Variants in CDH4 observed in about 807,000 individuals in gnomAD.
The protein encoded by CDH4 is cadherin 4.
CDH4 carries 33 observed loss-of-function variants against 86.0 expected under a neutral mutation model. That is an observed-to-expected ratio of 0.38 (90% CI 0.29 to 0.51). The LOEUF (loss-of-function observed/expected upper bound fraction) is 0.51. Among genes scored for constraint, CDH4 ranks in the 20% least tolerant of loss-of-function variants. The pLI is 0.86. For synonymous variants in CDH4, 555 were observed against 549.4 expected, an observed-to-expected ratio of 1.01 and a Z score of -0.14; for missense variants, 1,114 against 1,307.4, an observed-to-expected ratio of 0.85 and a Z score of 2.28.
At chr20:61,819,865 G>A (rs1250253437) in intron 4 of CDH4, among the ~76,000 whole-genome samples, 1 of 152,212 alleles carries the variant, frequency 6.6e-6, no homozygotes, top group Non-Finnish European at 1.5e-5. Context: ...TTATTGTTCA[G>A]CAGGCCTGGT....
intron 2 of CDH4, among the ~76,000 whole-genome samples, chr20:61,465,567 T>C (rs1043074245): frequency 3.9e-5 from 6 of 152,228 alleles, no homozygotes; most frequent in Admixed American, 1.3e-4. Flanking sequence ...ATTGATTTTA[T>C]GTAGAGACGG....
Position 61,294,767 on chromosome 20 carries a change from G to T in CDH4, c.169+39830G>T, listed in dbSNP as rs183005007. The stretch of plus-strand genomic sequence containing the variant: ...TGAGCCCCTGACAACAGAGCTGAAA[G>T]CTGGGACCCTTGTGTGTGAGGCCTG... On this transcript the variant is annotated intron_variant, in intron 2 of 15. Transcript: ENST00000614565. Among the ~76,000 whole-genome samples, 29 of 152,374 alleles carry T rather than the reference G, an allele frequency of 1.9e-4. No homozygotes were observed. The East Asian group carries it at 5.0e-3, about 26-fold the overall frequency.
intron 2 of CDH4, among the ~76,000 whole-genome samples, chr20:61,360,545 G>A (rs2084777977): frequency 6.6e-6 from 1 of 152,210 alleles, no homozygotes; most frequent in East Asian, 1.9e-4. Context: ...CTAGGAGCAG[G>A]GGGCCATGGG....
chr20:61,819,091 C>T (rs1462583871), intron 4 of CDH4, among the ~76,000 whole-genome samples: 1 of 152,224 alleles, frequency 6.6e-6, no homozygotes, highest in African/African-American at 2.4e-5. Context: ...TCCAGATGGG[C>T]TTTTGGGCTC....
At chr20:61,736,227 C>A (rs2088261292) in intron 2 of CDH4, among the ~76,000 whole-genome samples, 1 of 152,204 alleles carries the variant, frequency 6.6e-6, no homozygotes, top group Non-Finnish European at 1.5e-5. Context: ...ATTCTTGTCA[C>A]CTCAGCTGCC....
intron 2 of CDH4, among the ~76,000 whole-genome samples, chr20:61,411,395 G>A (rs780237247): frequency 8.0e-5 from 12 of 149,920 alleles, no homozygotes; most frequent in African/African-American, 2.7e-4. Context: ...AGGAAAAGCC[G>A]CATTCATTGA....
intron 6 of CDH4, among the ~76,000 whole-genome samples, chr20:61,853,252 G>C (rs892369462): frequency 2.0e-5 from 3 of 152,124 alleles, no homozygotes. Context: ...GCAGCTCCCG[G>C]AGTGGGACTG....
intron 2 of CDH4, among the ~76,000 whole-genome samples, chr20:61,465,147 A>G (rs540243540): frequency 1.3e-5 from 2 of 152,346 alleles, no homozygotes; most frequent in East Asian, 3.9e-4. Flanking sequence ...GGTATTGTGT[A>G]TCTTTCTGTC....
intron 4 of CDH4, among the ~76,000 whole-genome samples, chr20:61,817,883 G>C (rs2146058946): frequency 6.6e-6 from 1 of 152,338 alleles, no homozygotes; most frequent in South Asian, 2.1e-4. Context: ...CCAGGGTTCT[G>C]AGCAGCAGCA....
At chr20:61,484,683 G>A (rs905910211) in intron 2 of CDH4, among the ~76,000 whole-genome samples, 47 of 152,298 alleles carry the variant, frequency 3.1e-4, no homozygotes, top group African/African-American at 1.1e-3. Context: ...GAAGGTACCT[G>A]TGTGCTCATC....
chr20:61,775,681 G>A (rs1339523685), intron 4 of CDH4, among the ~76,000 whole-genome samples: 1 of 152,212 alleles, frequency 6.6e-6, no homozygotes, highest in Non-Finnish European at 1.5e-5. Flanking sequence ...CACAGGCACA[G>A]GGTAGGCACA....
chr20:61,412,419 A>C (rs1325442245), intron 2 of CDH4, among the ~76,000 whole-genome samples: 2 of 152,182 alleles, frequency 1.3e-5, no homozygotes, highest in African/African-American at 4.8e-5. Context: ...TCCTCCCCAG[A>C]GTGCCGGAGG....
intron 3 of CDH4, among the ~76,000 whole-genome samples, chr20:61,750,161 C>G (rs2088473637): frequency 6.6e-6 from 1 of 151,966 alleles, no homozygotes; most frequent in Non-Finnish European, 1.5e-5. Context: ...ATTGTTAAAA[C>G]AGGAGGAGAA....
intron 2 of CDH4, among the ~76,000 whole-genome samples, chr20:61,359,910 T>A (rs2084774717): frequency 6.6e-6 from 1 of 152,206 alleles, no homozygotes; most frequent in African/African-American, 2.4e-5. Context: ...AAACAAATCT[T>A]CCTGGAAGGA....
At chr20:61,852,980 C>T in intron 6 of CDH4, 82 bp downstream of exon 6, 3 of 1,433,686 alleles carry the variant, frequency 2.1e-6, no homozygotes, top group Non-Finnish European at 2.9e-6. Flanking sequence ...GGGAGGGCTG[C>T]TTAGTCCCCG....
chr20:61,256,443 G>C (rs981866473), intron 2 of CDH4, among the ~76,000 whole-genome samples: 3 of 152,230 alleles, frequency 2.0e-5, no homozygotes, highest in Non-Finnish European at 4.4e-5. Flanking sequence ...CTACAACGCA[G>C]CGTGAGATTT....
rs1491419747 is a variant in CDH4 at position 61,843,508 on chromosome 20, A to AG, written c.577-1160_577-1159insG. On this transcript the variant is annotated intron_variant, in intron 4 of 15. Coordinates refer to ENST00000614565, the MANE Select transcript of CDH4 (RefSeq NM_001794.5). Reference sequence around the variant, plus strand: ...GAAGTTCGAGACCAGCCTGGGAAACATAGTGAGACCTTTTCTGCACAAAAG... The same window carrying AG: ...GAAGTTCGAGACCAGCCTGGGAAACAGTAGTGAGACCTTTTCTGCACAAAAG... 9.7e-3 allele frequency among the ~76,000 whole-genome samples: 580 copies of AG among 60,064 alleles called. 3 individuals carry two copies. The highest frequency in any genetic ancestry group is 0.03 in the Non-Finnish European group (414 of 13,910). The allele number at this position is 60,064 out of a possible 152,430, so 39.4% of individuals were successfully genotyped here. A position where few individuals can be genotyped will look rare whatever the true frequency, so the allele number is the denominator to read the frequency against.
intron 2 of CDH4, among the ~76,000 whole-genome samples, chr20:61,652,784 A>AT (rs1377144718): frequency 3.1e-4 from 41 of 131,402 alleles, no homozygotes; most frequent in African/African-American, 1.1e-3. Flanking sequence ...TCATGGGGTG[A>AT]TTTTTTTCAA....
At chr20:61,730,072 C>T (rs1470004575) in intron 2 of CDH4, among the ~76,000 whole-genome samples, 1 of 152,128 alleles carries the variant, frequency 6.6e-6, no homozygotes, top group Non-Finnish European at 1.5e-5. Flanking sequence ...GCCAGCTTCC[C>T]CTGTTGTTAA....
Sources: allele counts gnomAD v4.1 joint callset (sites outside exome capture counted in the v4.1 genomes callset), GRCh38; gene constraint gnomAD v4.1.1; transcripts MANE v1.5; gene names NCBI Gene and HGNC (gene_info 2026-07-23, HGNC 2026-07-21).